RAD51B: variants seen among roughly 807,000 people sequenced by gnomAD.
RAD51B encodes RAD51 paralog B.
Under a neutral mutation model 42.2 loss-of-function variants are expected in RAD51B, and 38 were observed. That is an observed-to-expected ratio of 0.90 (90% CI 0.70 to 1.18). The LOEUF is 1.18. RAD51B is among the 50% of genes most tolerant of loss of function. RAD51B has a pLI of 0.00. For synonymous variants in RAD51B, 154 were observed against 145.2 expected (o/e 1.06, Z -0.43); for missense variants, 373 against 400.7 (o/e 0.93, Z 0.59).
At chr14:67,972,062 C>A (rs1030407091) in intron 7 of RAD51B, among the ~76,000 whole-genome samples, 1 of 150,290 alleles carries the variant, frequency 6.7e-6, no homozygotes, top group African/African-American at 2.5e-5. Context: ...TGTACGTGTT[C>A]TAGCTGGCAA....
rs550528450 is a variant in RAD51B, at chr14:67,830,432, C to T, written c.199-4648C>T. ...TTTGTTTTTTTTTGAGACAGAGTCT[C>T]GCACTGTTGCCCAGGCTGGAGTGCA... On this transcript the variant is annotated intron_variant, in intron 3 of 10. Coordinates refer to ENST00000471583, the MANE Select transcript of RAD51B (RefSeq NM_133510.4). Among the ~76,000 whole-genome samples, 66 of 152,108 alleles carry T rather than the reference C, an allele frequency of 4.3e-4. 1 individual carries two copies. The highest frequency in any genetic ancestry group is 1.5e-3 in the African/African-American group (64 of 41,506).
In RAD51B at chr14:67,825,475, T is replaced by A; in HGVS notation, c.96T>A (p.Cys32Ter). 1.2e-6 allele frequency: 2 copies of A among 1,610,396 alleles called. No homozygotes were observed. The highest frequency in any genetic ancestry group is 1.7e-6 in the Non-Finnish European group (2 of 1,177,662). ...HQILTCQDFL[C>*]LSPLELMKVT... The stretch of plus-strand genomic sequence containing the variant: ...TTATGTTTCTTTAGGACTTTTTATG[T>A]CTTTCCCCACTGGAGCTTATGAAGG... The change falls in exon 3 of 11, where the codon TGT becomes TGA. Residue 32 changes from cysteine to a stop codon, truncating the protein, a stop_gained. Transcript: ENST00000471583. LOFTEE classifies it high-confidence loss of function.
At chr14:68,261,078 A>T (rs539170883) in intron 7 of RAD51B, among the ~76,000 whole-genome samples, 60 of 152,206 alleles carry the variant, frequency 3.9e-4, no homozygotes, top group Admixed American at 9.2e-4. Context: ...CATATCCTTC[A>T]AAGACTTTAG....
At chr14:68,427,830 C>A (rs990201305) in intron 9 of RAD51B, among the ~76,000 whole-genome samples, 1 of 152,052 alleles carries the variant, frequency 6.6e-6, no homozygotes, top group Admixed American at 6.6e-5. Context: ...GGGGCTGGGG[C>A]CAGAATGCTA....
At chr14:68,470,241 G>T (rs552052995) in intron 10 of RAD51B, among the ~76,000 whole-genome samples, 17 of 152,160 alleles carry the variant, frequency 1.1e-4, no homozygotes, top group Non-Finnish European at 2.9e-5. Context: ...TCACCTGGTT[G>T]CTTTCTAAGT....
chr14:68,195,083 A>G lies in RAD51B; in HGVS notation c.757-96801A>G, dbSNP rs541622495. Among the ~76,000 whole-genome samples, 13 of 152,340 alleles carry G rather than the reference A, an allele frequency of 8.5e-5. No homozygotes were observed. In the East Asian group the frequency reaches 2.5e-3, roughly 29 times the overall value. ...TGAAGAAGACCTGGGCCATATCTCT[A>G]AAAACCTTGTGAGGGGAAACCAAGG... On this transcript the variant is annotated intron_variant, in intron 7 of 10. Coordinates refer to ENST00000471583, the MANE Select transcript of RAD51B (RefSeq NM_133510.4).
chr14:68,562,659 A>G (rs1889214008), intron 10 of RAD51B: 1 of 985,270 alleles, frequency 1.0e-6, no homozygotes, highest in South Asian at 4.7e-5. Context: ...AGCAAATGAG[A>G]GTTGCTATAG....
intron 7 of RAD51B, among the ~76,000 whole-genome samples, chr14:68,057,649 A>AAAAAAAAAT (rs2076498683): frequency 6.6e-6 from 1 of 152,086 alleles, no homozygotes; most frequent in Non-Finnish European, 1.5e-5. Context: ...AGAATCTCTT[A>AAAAAAAAAT]GCTTTTTTTG....
chr14:68,427,469 G>A (rs1171215392), intron 9 of RAD51B, among the ~76,000 whole-genome samples: 1 of 152,246 alleles, frequency 6.6e-6, no homozygotes, highest in African/African-American at 2.4e-5. Flanking sequence ...TGGAAATGGA[G>A]TAAAAGGAGG....
chr14:68,198,696 G>GTC (rs2079424324), intron 7 of RAD51B, among the ~76,000 whole-genome samples: 1 of 152,080 alleles, frequency 6.6e-6, no homozygotes, highest in South Asian at 2.1e-4. Flanking sequence ...GATATATTAA[G>GTC]TCAATAATAG....
intron 7 of RAD51B, among the ~76,000 whole-genome samples, chr14:67,935,891 A>G (rs7159527): frequency 0.026 from 4,020 of 152,266 alleles, 178 homozygotes; most frequent in African/African-American, 0.091. Flanking sequence ...GGATTTCACT[A>G]TGGCGGAATT....
At chr14:68,622,216 T>C (rs1247719947) in intron 10 of RAD51B, among the ~76,000 whole-genome samples, 1 of 152,174 alleles carries the variant, frequency 6.6e-6, no homozygotes, top group Non-Finnish European at 1.5e-5. Flanking sequence ...TCACTTGGGA[T>C]TAGACCCTTC....
At chr14:67,841,015 G>A (rs1213669337) in intron 4 of RAD51B, among the ~76,000 whole-genome samples, 2 of 152,074 alleles carry the variant, frequency 1.3e-5, no homozygotes, top group African/African-American at 4.8e-5. Context: ...GGCCAGGCTG[G>A]TCTCAAACTC....
In RAD51B at chr14:68,473,773, T is replaced by C. The variant is rs957579970; in HGVS notation, c.1037-3875T>C. ...TTTAGGACTCCTTTGTACCTATTCCTGGTCCATTCCCTCCTTATCCCACAT... is the reference window on the plus strand; with the variant it reads ...TTTAGGACTCCTTTGTACCTATTCCCGGTCCATTCCCTCCTTATCCCACAT... On this transcript the variant is annotated intron_variant, in intron 10 of 10. Transcript: ENST00000471583. Among the ~76,000 whole-genome samples, 26 of 152,316 alleles carry C rather than the reference T, an allele frequency of 1.7e-4. No homozygotes were observed. The Middle Eastern group carries it at 0.01, about 60-fold the overall frequency.
At chr14:67,936,108 C>T (rs1462699345) in intron 7 of RAD51B, among the ~76,000 whole-genome samples, 1 of 152,140 alleles carries the variant, frequency 6.6e-6, no homozygotes, top group Non-Finnish European at 1.5e-5. Flanking sequence ...ACATACCATA[C>T]AATTCACCCT....
chr14:68,618,866 C>T (rs1891881186), intron 10 of RAD51B, among the ~76,000 whole-genome samples: 2 of 152,082 alleles, frequency 1.3e-5, no homozygotes, highest in African/African-American at 2.4e-5. Context: ...TCTTTTGTCC[C>T]CCATTCTTAG....
intron 7 of RAD51B, among the ~76,000 whole-genome samples, chr14:68,128,991 T>C (rs1235355451): frequency 6.6e-6 from 1 of 152,214 alleles, no homozygotes; most frequent in Non-Finnish European, 1.5e-5. Flanking sequence ...ACTTTGTATC[T>C]TGCTCTTTTT....
chr14:68,611,511 A>AG (rs2140108209), exon 11 of RAD51B: 2 of 501,612 alleles, frequency 4.0e-6, no homozygotes, highest in South Asian at 4.5e-5. Flanking sequence ...TCCTTGCAGC[A>AG]TCTCTATTGT....
At chr14:68,091,163 C>G (rs1008586338) in intron 7 of RAD51B, among the ~76,000 whole-genome samples, 2 of 152,016 alleles carry the variant, frequency 1.3e-5, no homozygotes, top group African/African-American at 2.4e-5. Flanking sequence ...AATAAACATA[C>G]GTTTGCATGT....
Sources: gnomAD v4.1 joint callset for allele counts (sites outside exome capture counted in the v4.1 genomes callset) on GRCh38, gnomAD v4.1.1 for gene constraint, MANE v1.5 for transcripts, NCBI Gene and HGNC (gene_info 2026-07-23, HGNC 2026-07-21) for gene names.